Variants in PTPN18 observed in about 807,000 individuals in gnomAD.
The protein encoded by PTPN18 is protein tyrosine phosphatase non-receptor type 18, also known as tyrosine-protein phosphatase non-receptor type 18.
A neutral mutation model predicts 65.4 loss-of-function variants in PTPN18; 65 were observed. That is an observed-to-expected ratio of 0.99 (90% CI 0.81 to 1.22). The LOEUF is 1.22. Among genes scored for constraint, PTPN18 ranks in the 50% most tolerant of loss-of-function variants. The pLI is 0.00. For synonymous variants in PTPN18, 255 were observed against 267.8 expected (o/e 0.95, Z 0.47); for missense variants, 616 against 646.5 (o/e 0.95, Z 0.51).
In PTPN18 at chr2:130,371,190, T is replaced by G; in HGVS notation, c.925-9T>G. ...TCCCTCAGGAGCCTCCCCTCCTGTTTTTCTTCAGAATTGTGCCCCACTCTA... is the reference window on the plus strand; with the variant it reads ...TCCCTCAGGAGCCTCCCCTCCTGTTGTTCTTCAGAATTGTGCCCCACTCTA... On this transcript the variant is annotated splice_polypyrimidine_tract_variant and intron_variant, in intron 11 of 14. Transcript: ENST00000175756. 6.3e-7 allele frequency: 1 copy of G among 1,597,610 alleles called. No individual in the cohort carries two copies. The highest frequency in any genetic ancestry group is 8.6e-7 in the Non-Finnish European group (1 of 1,167,268).
rs1680115658 is a variant in PTPN18 at position 130,359,421 on chromosome 2, A to G, written c.304A>G (p.Ile102Val). 6.2e-6 allele frequency: 10 copies of G among 1,614,120 alleles called. No homozygotes were observed. Among genetic ancestry groups the G allele is most frequent in the South Asian group, 1.1e-5 (1 of 91,080 alleles). Residue 102 changes from isoleucine to valine, a missense_variant, in exon 4 of 15, where the codon ATT (isoleucine) becomes GTT (valine). By Grantham distance (29) the Ile-to-Val change is conservative. Transcript: ENST00000175756. Reference protein sequence around the residue: ...IRGVDGSLAYIATQGPLPHTL... With the variant: ...IRGVDGSLAYVATQGPLPHTL... ...GGGCGTGGATGGAAGCCTGGCCTAC[A>G]TTGCCACGCAAGGACCCTTGCCTCA...
chr2:130,370,473 G>T, intron 8 of PTPN18, 84 bp from the exon 9 acceptor site: 1 of 1,490,008 alleles, frequency 6.7e-7, no homozygotes, highest in South Asian at 1.1e-5. Context: ...GATCCATCAG[G>T]ACCCTCACCC....
chr2:130,367,208 A>C (rs1340412483), intron 5 of PTPN18, among the ~76,000 whole-genome samples: 1 of 151,818 alleles, frequency 6.6e-6, no homozygotes, highest in Non-Finnish European at 1.5e-5. Flanking sequence ...TATTTCTCAT[A>C]ATGCAGATTT....
At chr2:130,372,098 G>C in intron 12 of PTPN18, 159 bp from the exon 13 acceptor site, 1 of 627,582 alleles carries the variant, frequency 1.6e-6, no homozygotes, top group South Asian at 2.1e-5. Context: ...GGGCGCTAGG[G>C]ACACAGAAGC....
At chr2:130,359,720 A>G in intron 5 of PTPN18, 74 bp downstream of exon 5, 1 of 1,531,758 alleles carries the variant, frequency 6.5e-7, no homozygotes, top group Admixed American at 1.7e-5. Context: ...CTCCTCCTTG[A>G]CCCCAGGACC....
At chr2:130,371,374 T>C in intron 12 of PTPN18, 87 bp downstream of exon 12, 1 of 1,187,734 alleles carries the variant, frequency 8.4e-7, no homozygotes, top group Non-Finnish European at 1.2e-6. Context: ...CCGTTCCTTG[T>C]TCACTTCGCC....
chr2:130,373,527 T>C lies in PTPN18; in HGVS notation c.*303T>C. Reference sequence around the variant, plus strand: ...GGACAGATGAGCTTCCGGAGACTGCTCTCCTCACCACACAGCACTAGTCCA... The same window carrying C: ...GGACAGATGAGCTTCCGGAGACTGCCCTCCTCACCACACAGCACTAGTCCA... On this transcript the variant is annotated 3_prime_UTR_variant, in exon 15 of 15. Transcript: ENST00000175756. The surrounding 1 kb of genome is among the most constrained non-coding windows in gnomAD (Gnocchi z 4.1). 3.8e-6 allele frequency: 1 copy of C among 264,728 alleles called. No individual in the cohort carries two copies. The highest frequency in any genetic ancestry group is 7.2e-6 in the Non-Finnish European group (1 of 139,470). The allele number at this position is 264,728 out of a possible 1,614,324, so 16.4% of individuals were successfully genotyped here.
intron 5 of PTPN18, chr2:130,362,389 G>T (rs1573859469): frequency 3.8e-6 from 1 of 264,798 alleles, no homozygotes. Flanking sequence ...TTTTCTATTT[G>T]CTCTGTTTGT....
In PTPN18 at chr2:130,370,697, T is replaced by A. The variant is rs1680530790; in HGVS notation, c.757-8T>A. The A allele has an allele frequency of 1.9e-6, 3 of 1,614,048 alleles. No individual in the cohort carries two copies. The South Asian group carries it at 3.3e-5, about 18-fold the overall frequency. On this transcript the variant is annotated splice_polypyrimidine_tract_variant and splice_region_variant and intron_variant, in intron 9 of 14. Coordinates refer to ENST00000175756, the MANE Select transcript of PTPN18 (RefSeq NM_014369.4). ...GTCCTGCTCAAGTGCCTTGTCTGTC[T>A]GCCCCAGATGATCCCACCTGACTTC...
Position 130,371,180 on chromosome 2 carries a change from C to T in PTPN18, c.925-19C>T, listed in dbSNP as rs749610444. 3.8e-6 allele frequency: 6 copies of T among 1,573,064 alleles called. No homozygotes were observed. The highest frequency in any genetic ancestry group is 5.2e-6 in the Non-Finnish European group (6 of 1,146,270). On this transcript the variant is annotated intron_variant, in intron 11 of 14. Coordinates refer to ENST00000175756, the MANE Select transcript of PTPN18 (RefSeq NM_014369.4). ...GCCAGCTTCCTCCCTCAGGAGCCTC[C>T]CCTCCTGTTTTTCTTCAGAATTGTG...
intron 5 of PTPN18, among the ~76,000 whole-genome samples, chr2:130,368,366 G>T (rs1238312178): frequency 6.6e-6 from 1 of 152,196 alleles, no homozygotes; most frequent in Non-Finnish European, 1.5e-5. Context: ...CTTTTGGATG[G>T]TTGATCAAGT....
Position 130,374,514 on chromosome 2 carries a change from T to C in PTPN18, c.*1290T>C. ...AAATGGCCCATGGTAGGGTTCCTGCTAGGATAAAACATTAAGCGGCTGTTA... is the reference window on the plus strand; with the variant it reads ...AAATGGCCCATGGTAGGGTTCCTGCCAGGATAAAACATTAAGCGGCTGTTA... On this transcript the variant is annotated 3_prime_UTR_variant, in exon 15 of 15. Coordinates refer to ENST00000175756, the MANE Select transcript of PTPN18 (RefSeq NM_014369.4). 2.4e-6 allele frequency: 1 copy of C among 411,876 alleles called. No homozygotes were observed. The highest frequency in any genetic ancestry group is 5.0e-6 in the Non-Finnish European group (1 of 199,430). 25.5% of individuals were successfully genotyped at this position (411,876 alleles called of 1,614,324 possible). A position where few individuals can be genotyped will look rare whatever the true frequency, so the allele number is the denominator to read the frequency against.
intron 14 of PTPN18, 47 bp downstream of exon 14, chr2:130,372,994 GA>G (rs1680630623): frequency 1.3e-5 from 21 of 1,606,238 alleles, no homozygotes; most frequent in Non-Finnish European, 1.5e-5. Flanking sequence ...TGCTTTGAGT[GA>G]ACCCAGGAGT....
At chr2:130,357,066 G>T (rs1430998941) in intron 1 of PTPN18, among the ~76,000 whole-genome samples, 1 of 152,176 alleles carries the variant, frequency 6.6e-6, no homozygotes, top group Non-Finnish European at 1.5e-5. Context: ...GCGCATGCCT[G>T]TAATCCCAGC....
rs115538191 is a variant in PTPN18 at position 130,368,143 on chromosome 2, G to C, written c.415-990G>C. On this transcript the variant is annotated intron_variant, in intron 5 of 14. Transcript: ENST00000175756. ...TTCATGTTTTCCTTTTCATCTTTGA[G>C]TGTATTTGTAATAGCCATTTTAAGA... Among the ~76,000 whole-genome samples, 1,179 of 151,730 alleles carry C rather than the reference G, an allele frequency of 7.8e-3. 9 individuals carry two copies. Among genetic ancestry groups the C allele is most frequent in the Middle Eastern group, 0.024 (7 of 292 alleles).
chr2:130,369,942 A>G, intron 7 of PTPN18, 106 bp from the exon 8 acceptor site: 1 of 1,546,944 alleles, frequency 6.5e-7, no homozygotes, highest in African/African-American at 1.4e-5. Context: ...TCTGGTAGAC[A>G]TAAATGGAAG....
At position 130,374,516 on chromosome 2, in the gene PTPN18, G is replaced by A; in HGVS notation, c.*1292G>A. The A allele has an allele frequency of 4.8e-6, 2 of 416,036 alleles. No homozygotes were observed. The highest frequency in any genetic ancestry group is 3.5e-5 in the South Asian group (2 of 56,512). The allele number at this position is 416,036 out of a possible 1,614,324, so 25.8% of individuals were successfully genotyped here. On this transcript the variant is annotated 3_prime_UTR_variant, in exon 15 of 15. Coordinates refer to ENST00000175756, the MANE Select transcript of PTPN18 (RefSeq NM_014369.4). The stretch of plus-strand genomic sequence containing the variant: ...ATGGCCCATGGTAGGGTTCCTGCTA[G>A]GATAAAACATTAAGCGGCTGTTAAA...
intron 13 of PTPN18, 106 bp downstream of exon 13, chr2:130,372,589 C>G (rs1680610052): frequency 3.8e-6 from 5 of 1,314,538 alleles, no homozygotes; most frequent in Admixed American, 2.9e-5. Context: ...GGGACCCCAG[C>G]CGCTAGCCTG....
intron 3 of PTPN18, 33 bp from the exon 4 acceptor site, chr2:130,359,364 C>A (rs1414972139): frequency 1.9e-6 from 3 of 1,614,068 alleles, no homozygotes; most frequent in South Asian, 1.1e-5. Context: ...GGGTGGGCCG[C>A]AGAATCTCAG....
Sources: allele counts gnomAD v4.1 joint callset (sites outside exome capture counted in the v4.1 genomes callset), GRCh38; gene constraint gnomAD v4.1.1; non-coding constraint Gnocchi (gnomAD v3.1); transcripts MANE v1.5; gene names NCBI Gene and HGNC (gene_info 2026-07-23, HGNC 2026-07-21).